Variants in FHIT observed in about 807,000 individuals in gnomAD.
FHIT encodes fragile histidine triad diadenosine triphosphatase.
A neutral mutation model predicts 17.9 loss-of-function variants in FHIT; 19 were observed. The observed-to-expected ratio is 1.06, with a 90% CI of 0.74 to 1.56. The LOEUF is 1.56. Among genes scored for constraint, FHIT ranks in the 40% most tolerant of loss-of-function variants. The pLI, the probability that FHIT is intolerant of heterozygous loss-of-function variation, is 0.00. For missense variants in FHIT, 248 were observed against 189.2 expected, an observed-to-expected ratio of 1.31 and a Z score of -1.82; for synonymous variants, 81 against 69.7, an observed-to-expected ratio of 1.16 and a Z score of -0.81.
chr3:61,019,832 T>C (rs1481822992), intron 3 of FHIT, among the ~76,000 whole-genome samples: 1 of 152,230 alleles, frequency 6.6e-6, no homozygotes. Context: ...AAAAGGAATG[T>C]CAAGGTAACA....
chr3:60,999,476 C>T (rs2030911982), intron 3 of FHIT, among the ~76,000 whole-genome samples: 1 of 149,820 alleles, frequency 6.7e-6, no homozygotes, highest in South Asian at 2.2e-4. Flanking sequence ...AATAGGATTA[C>T]TATCTAGTAT....
chr3:60,624,072 G>A (rs34739265), intron 4 of FHIT, among the ~76,000 whole-genome samples: 18 of 152,114 alleles, frequency 1.2e-4, no homozygotes, highest in Non-Finnish European at 2.1e-4. Context: ...CATTCAAAAG[G>A]GCTGTTTAAT....
intron 7 of FHIT, among the ~76,000 whole-genome samples, chr3:59,987,087 A>G (rs1559525302): frequency 7.3e-6 from 1 of 137,442 alleles, no homozygotes. Context: ...TATTATATAT[A>G]GATATGAAGA....
At chr3:59,981,404 G>A (rs895883320) in intron 7 of FHIT, among the ~76,000 whole-genome samples, 5 of 152,100 alleles carry the variant, frequency 3.3e-5, no homozygotes, top group Non-Finnish European at 7.4e-5. Context: ...CTGAAAATGG[G>A]CCATTGCTTC....
chr3:60,943,897 A>T (rs534665402), intron 3 of FHIT, among the ~76,000 whole-genome samples: 4 of 152,284 alleles, frequency 2.6e-5, no homozygotes, highest in Non-Finnish European at 5.9e-5. Flanking sequence ...ATAACATGAA[A>T]ATAAGTGAAT....
At chr3:59,769,554 C>A (rs1014616147) in intron 8 of FHIT, among the ~76,000 whole-genome samples, 21 of 152,264 alleles carry the variant, frequency 1.4e-4, no homozygotes, top group African/African-American at 5.1e-4. Context: ...CATTTTTAAT[C>A]AGTATATATA....
chr3:60,104,921 A>T (rs566763160), intron 5 of FHIT, among the ~76,000 whole-genome samples: 1 of 152,250 alleles, frequency 6.6e-6, no homozygotes, highest in East Asian at 1.9e-4. Flanking sequence ...AAGATCAATG[A>T]TGGTTGTTTA....
At chr3:59,864,026 C>T (rs1030405573) in intron 8 of FHIT, among the ~76,000 whole-genome samples, 5 of 152,124 alleles carry the variant, frequency 3.3e-5, no homozygotes, top group African/African-American at 9.7e-5. Context: ...TTTATGAGTT[C>T]GTGCACAATT....
intron 5 of FHIT, among the ~76,000 whole-genome samples, chr3:60,265,842 C>T (rs891657407): frequency 1.3e-5 from 2 of 151,660 alleles, no homozygotes; most frequent in Non-Finnish European, 1.5e-5. Flanking sequence ...GCATTAAAAG[C>T]CATCAGAGAA....
chr3:60,309,175 T>C (rs770356735), intron 5 of FHIT, among the ~76,000 whole-genome samples: 94 of 152,218 alleles, frequency 6.2e-4, no homozygotes, highest in Non-Finnish European at 1.2e-3. Context: ...ACACCAGCTC[T>C]GCTTGCAGCG....
intron 5 of FHIT, among the ~76,000 whole-genome samples, chr3:60,276,088 C>T (rs1457515149): frequency 5.3e-5 from 8 of 151,614 alleles, no homozygotes; most frequent in South Asian, 4.2e-4. Context: ...CCTGGGTTCA[C>T]GCCATTCTCC....
chr3:60,092,483 G>A (rs1703774277), intron 5 of FHIT, among the ~76,000 whole-genome samples: 1 of 152,174 alleles, frequency 6.6e-6, no homozygotes, highest in African/African-American at 2.4e-5. Context: ...CTTTTACAAT[G>A]TCTACATTAA....
chr3:60,830,757 A>C (rs1391347751), intron 3 of FHIT, among the ~76,000 whole-genome samples: 13 of 152,200 alleles, frequency 8.5e-5, no homozygotes, highest in African/African-American at 3.1e-4. Context: ...TTTGGAAGAC[A>C]CCTACATTAT....
At chr3:60,938,815 C>T (rs1708295596) in intron 3 of FHIT, among the ~76,000 whole-genome samples, 1 of 152,126 alleles carries the variant, frequency 6.6e-6, no homozygotes, top group African/African-American at 2.4e-5. Flanking sequence ...CATGTGTATT[C>T]TTTGTGTATT....
chr3:60,693,218 G>A (rs2041034259), intron 4 of FHIT, among the ~76,000 whole-genome samples: 1 of 152,114 alleles, frequency 6.6e-6, no homozygotes, highest in Admixed American at 6.6e-5. Context: ...ATAAGGTGCT[G>A]ATCCACCTAA....
intron 4 of FHIT, among the ~76,000 whole-genome samples, chr3:60,607,749 T>C (rs571152731): frequency 2.0e-5 from 3 of 152,284 alleles, no homozygotes; most frequent in South Asian, 4.1e-4. Flanking sequence ...AGGAAAACTT[T>C]TGTCTGCAAT....
intron 5 of FHIT, among the ~76,000 whole-genome samples, chr3:60,425,407 C>G (rs1016158468): frequency 1.3e-5 from 2 of 152,162 alleles, no homozygotes; most frequent in African/African-American, 4.8e-5. Context: ...ATGATTCTCT[C>G]CCACCCTGGG....
chr3:59,996,640 A>G (rs1209926247), intron 7 of FHIT, among the ~76,000 whole-genome samples: 1 of 152,126 alleles, frequency 6.6e-6, no homozygotes, highest in Non-Finnish European at 1.5e-5. Flanking sequence ...AGGGCTCCAG[A>G]CACCCTTTGT....
At chr3:60,097,676 T>C (rs1704013452) in intron 5 of FHIT, among the ~76,000 whole-genome samples, 1 of 152,134 alleles carries the variant, frequency 6.6e-6, no homozygotes, top group South Asian at 2.1e-4. Flanking sequence ...TTTTTTAATC[T>C]TTTCTTAATT....
Sources: allele counts gnomAD v4.1 joint callset (sites outside exome capture counted in the v4.1 genomes callset), GRCh38; gene constraint gnomAD v4.1.1; transcripts MANE v1.5; gene names NCBI Gene and HGNC (gene_info 2026-07-23, HGNC 2026-07-21).